Variants in PTH2R observed in about 807,000 individuals in gnomAD.
PTH2R encodes parathyroid hormone 2 receptor.
Under a neutral mutation model 60.3 loss-of-function variants are expected in PTH2R, and 59 were observed. The ratio of observed to expected loss-of-function variants is 0.98; its 90% confidence interval spans 0.79 to 1.22. The LOEUF (loss-of-function observed/expected upper bound fraction) is 1.22. Ranked by LOEUF, PTH2R falls within the 50% of genes most tolerant of loss-of-function variation. The pLI is 0.00. For missense variants in PTH2R, 749 were observed against 682.6 expected (o/e 1.10, Z -1.08); for synonymous variants, 256 against 243.8 (o/e 1.05, Z -0.47).
Position 208,437,807 on chromosome 2 carries a change from C to G in PTH2R, c.337C>G (p.His113Asp). ...CNPNGTWDFM[H>D]SLNKTWANYS... Reference sequence around the variant, plus strand: ...CCCCAATGGAACATGGGATTTTATGCACAGCTTAAATAAAACATGGGCCAA... The same window carrying G: ...CCCCAATGGAACATGGGATTTTATGGACAGCTTAAATAAAACATGGGCCAA... Residue 113 changes from histidine (H) to aspartate (D), a missense_variant, in exon 4 of 13, where the codon CAC becomes GAC. His to Asp is a moderately conservative substitution (Grantham distance 81). Transcript: ENST00000272847. The G allele has an allele frequency of 1.2e-6, 2 of 1,613,832 alleles. No homozygotes were observed. The highest frequency in any genetic ancestry group is 1.7e-6 in the Non-Finnish European group (2 of 1,179,792).
chr2:208,447,752 A>G (rs1047981800), intron 7 of PTH2R, among the ~76,000 whole-genome samples: 2 of 152,030 alleles, frequency 1.3e-5, no homozygotes, highest in Non-Finnish European at 2.9e-5. Flanking sequence ...TTATTATTAT[A>G]AAACAAGATG....
At chr2:208,487,334 A>T in intron 10 of PTH2R, among the ~76,000 whole-genome samples, 1 of 152,190 alleles carries the variant, frequency 6.6e-6, no homozygotes, top group Non-Finnish European at 1.5e-5. Context: ...CATACAGCTT[A>T]TTTCCAAGAA....
At position 208,490,711 on chromosome 2, in the gene PTH2R, G is replaced by A. The variant is rs556775923; in HGVS notation, c.1257+31G>A. ...TTTGTAGGAACCTTGGACAGGTCTC[G>A]CTTCAGCTTGTAAATGGCCATCACA... On this transcript the variant is annotated intron_variant, in intron 12 of 12. Transcript: ENST00000272847. The A allele has an allele frequency of 7.7e-5, 121 of 1,578,506 alleles. No homozygotes were observed. In the South Asian group the frequency reaches 8.5e-4, roughly 11 times the overall value.
intron 1 of PTH2R, among the ~76,000 whole-genome samples, chr2:208,411,579 G>A (rs13414881): frequency 0.13 from 19,048 of 152,096 alleles, 1,331 homozygotes; most frequent in African/African-American, 0.19. Flanking sequence ...TCAATTCTTT[G>A]TGACAAAATA....
intron 1 of PTH2R, among the ~76,000 whole-genome samples, chr2:208,365,929 A>AATATATATATATATATATATAT (rs1224025157): frequency 2.3e-5 from 1 of 43,736 alleles, no homozygotes; most frequent in Non-Finnish European, 3.9e-5. Context: ...ATAATAGATA[A>AATATATATATATATATATATAT]ATATATATAT....
chr2:208,464,027 T>C (rs1191690877), intron 9 of PTH2R, among the ~76,000 whole-genome samples: 1 of 152,274 alleles, frequency 6.6e-6, no homozygotes, highest in Admixed American at 6.5e-5. Context: ...TTAACTCTTG[T>C]TGGTAGGAGT....
intron 2 of PTH2R, among the ~76,000 whole-genome samples, chr2:208,433,123 T>C (rs1052433552): frequency 6.6e-6 from 1 of 152,202 alleles, no homozygotes; most frequent in Non-Finnish European, 1.5e-5. Context: ...ATATGAATTA[T>C]ACATAAAAGA....
intron 1 of PTH2R, among the ~76,000 whole-genome samples, chr2:208,394,217 T>G (rs761684515): frequency 6.6e-6 from 1 of 152,192 alleles, no homozygotes; most frequent in Non-Finnish European, 1.5e-5. Flanking sequence ...GTCCCGAAGA[T>G]AGTAAGAAGG....
At chr2:208,394,847 C>A (rs112552477) in intron 1 of PTH2R, among the ~76,000 whole-genome samples, 1 of 152,094 alleles carries the variant, frequency 6.6e-6, no homozygotes, top group African/African-American at 2.4e-5. Flanking sequence ...AAAATTAATA[C>A]TATTATTAAG....
intron 12 of PTH2R, among the ~76,000 whole-genome samples, chr2:208,492,154 C>T (rs773789182): frequency 3.9e-5 from 6 of 152,178 alleles, no homozygotes; most frequent in Non-Finnish European, 7.3e-5. Flanking sequence ...AAGAGCCCCA[C>T]CCTATTAAGA....
chr2:208,394,239 T>C (rs750445121), intron 1 of PTH2R, among the ~76,000 whole-genome samples: 16 of 152,328 alleles, frequency 1.1e-4, no homozygotes, highest in East Asian at 3.9e-4. Context: ...CATGCCCTTG[T>C]GCAATAGAAT....
chr2:208,465,992 G>C (rs1440199310), intron 9 of PTH2R, among the ~76,000 whole-genome samples: 1 of 152,012 alleles, frequency 6.6e-6, no homozygotes, highest in Non-Finnish European at 1.5e-5. Flanking sequence ...GAAACATTTG[G>C]TGTGCATTAA....
At chr2:208,385,624 T>A (rs1054016408) in intron 1 of PTH2R, among the ~76,000 whole-genome samples, 82 of 152,218 alleles carry the variant, frequency 5.4e-4, no homozygotes, top group African/African-American at 1.9e-3. Flanking sequence ...TGGACTGTCA[T>A]CTTTTTTGTA....
intron 7 of PTH2R, 34 bp from the exon 8 acceptor site, chr2:208,450,715 T>G (rs1702388537): frequency 6.2e-7 from 1 of 1,607,316 alleles, no homozygotes; most frequent in African/African-American, 1.3e-5. Context: ...AATCTTAAAA[T>G]AAATCTAGTC....
intron 1 of PTH2R, among the ~76,000 whole-genome samples, chr2:208,397,368 A>T (rs1462784038): frequency 1.3e-5 from 2 of 152,032 alleles, no homozygotes; most frequent in African/African-American, 4.8e-5. Context: ...TTACTCCCAT[A>T]CTTACCACTC....
At chr2:208,471,923 C>T (rs1702891051) in intron 9 of PTH2R, among the ~76,000 whole-genome samples, 1 of 152,346 alleles carries the variant, frequency 6.6e-6, no homozygotes, top group East Asian at 1.9e-4. Context: ...ATCAGCATGA[C>T]CTGGATGTGA....
At chr2:208,384,665 C>T (rs920006182) in intron 1 of PTH2R, among the ~76,000 whole-genome samples, 6 of 152,138 alleles carry the variant, frequency 3.9e-5, no homozygotes, top group African/African-American at 1.2e-4. Context: ...GAAAAAGGCA[C>T]ATAGTCCCAT....
chr2:208,372,093 T>G (rs531046030), intron 1 of PTH2R, among the ~76,000 whole-genome samples: 2 of 152,166 alleles, frequency 1.3e-5, no homozygotes, highest in Non-Finnish European at 2.9e-5. Context: ...AGCTAATTTT[T>G]TGTATTTTTA....
chr2:208,381,182 T>C (rs1416879262), intron 1 of PTH2R, among the ~76,000 whole-genome samples: 1 of 152,076 alleles, frequency 6.6e-6, no homozygotes, highest in Non-Finnish European at 1.5e-5. Context: ...ATCTCTAAAG[T>C]AATAAAATAT....
Sources: gnomAD v4.1 joint callset for allele counts (sites outside exome capture counted in the v4.1 genomes callset) on GRCh38, gnomAD v4.1.1 for gene constraint, MANE v1.5 for transcripts, NCBI Gene and HGNC (gene_info 2026-07-23, HGNC 2026-07-21) for gene names.